The following ZFYVE28 variants were observed in gnomAD, a reference collection of about 807,000 sequenced individuals.
ZFYVE28 encodes lateral signaling target protein 2 homolog.
Under a neutral mutation model 82.1 loss-of-function variants are expected in ZFYVE28, and 40 were observed. The ratio of observed to expected loss-of-function variants is 0.49; its 90% CI spans 0.38 to 0.63. The LOEUF is 0.63. Among genes scored for constraint, ZFYVE28 ranks in the 30% least tolerant of loss-of-function variants. The pLI is 0.00. For synonymous variants in ZFYVE28, 612 were observed against 546.1 expected (o/e 1.12, Z -1.68); for missense variants, 1,321 against 1,242.1 (o/e 1.06, Z -0.96).
intron 1 of ZFYVE28, among the ~76,000 whole-genome samples, chr4:2,382,470 C>G (rs1046576867): frequency 6.6e-6 from 1 of 152,242 alleles, no homozygotes; most frequent in East Asian, 1.9e-4. Flanking sequence ...GATGTGAGAC[C>G]TGGAGTCAAA....
chr4:2,293,476 G>A (rs1577935352), intron 8 of ZFYVE28, among the ~76,000 whole-genome samples: 2 of 152,168 alleles, frequency 1.3e-5, no homozygotes, highest in South Asian at 2.1e-4. Context: ...AAGATCAGCC[G>A]GGTATGGTGG....
Position 2,341,143 on chromosome 4 carries a change from C to T in ZFYVE28, c.318+335G>A, listed in dbSNP as rs632158. Among the ~76,000 whole-genome samples the T allele has an allele frequency of 6.6e-6, 1 of 151,962 alleles. No homozygotes were observed. The highest frequency in any genetic ancestry group is 2.1e-4 in the South Asian group (1 of 4,822). On this transcript the variant is annotated intron_variant, in intron 3 of 12. Transcript: ENST00000290974. This position sits in a 1 kb window ranked among gnomAD's most constrained non-coding sequence, Gnocchi z 4.5. The stretch of plus-strand genomic sequence containing the variant: ...CCTGCTGCTGCCCATGCTGCAGGGC[C>T]GGAGGGGAACACTTGTTCCTGATGT...
intron 1 of ZFYVE28, among the ~76,000 whole-genome samples, chr4:2,367,512 TA>T (rs1727015430): frequency 6.6e-6 from 1 of 152,236 alleles, no homozygotes; most frequent in South Asian, 2.1e-4. Context: ...AATGGAAACT[TA>T]AGCTGCTTAT....
At chr4:2,344,536 A>G (rs950445754) in intron 2 of ZFYVE28, among the ~76,000 whole-genome samples, 4 of 152,212 alleles carry the variant, frequency 2.6e-5, no homozygotes, top group Non-Finnish European at 5.9e-5. Context: ...AACCAAAAAT[A>G]TTTACAGTAA....
intron 2 of ZFYVE28, among the ~76,000 whole-genome samples, chr4:2,353,270 G>C (rs781429994): frequency 6.6e-6 from 1 of 152,206 alleles, no homozygotes; most frequent in Admixed American, 6.5e-5. Flanking sequence ...GGACCCTCAG[G>C]ACCACGGTGA....
At chr4:2,299,291 A>AG (rs1255682555) in intron 8 of ZFYVE28, among the ~76,000 whole-genome samples, 1 of 152,116 alleles carries the variant, frequency 6.6e-6, no homozygotes, top group Admixed American at 6.5e-5. Context: ...GGAACAGCGA[A>AG]GGGTACTCCG....
In ZFYVE28 at chr4:2,408,252, C is replaced by T. The variant is rs1732132214; in HGVS notation, c.39+10033G>A. Among the ~76,000 whole-genome samples the T allele has an allele frequency of 6.6e-6, 1 of 152,182 alleles. No homozygotes were observed. The highest frequency in any genetic ancestry group is 6.5e-5 in the Admixed American group (1 of 15,286). ...GCCCTGGGCCTCCCTGTGAGTGCTC[C>T]CAAGAACATCCTACCAAGCCAGCAT... On this transcript the variant is annotated intron_variant, in intron 1 of 12. Coordinates refer to ENST00000290974, the MANE Select transcript of ZFYVE28 (RefSeq NM_020972.3). The surrounding 1 kb of genome is among the most constrained non-coding windows in gnomAD (Gnocchi z 4.3).
In ZFYVE28 at chr4:2,409,371, A is replaced by G. The variant is rs548117647; in HGVS notation, c.39+8914T>C. On this transcript the variant is annotated intron_variant, in intron 1 of 12. Coordinates refer to ENST00000290974, the MANE Select transcript of ZFYVE28 (RefSeq NM_020972.3). This position sits in a 1 kb window ranked among gnomAD's most constrained non-coding sequence, Gnocchi z 4.4. ...TCTCTCCCACAGCAGGCCTGGAAGG[A>G]CCCCGCAAACAGCAGTGCTGACCCC... Among the ~76,000 whole-genome samples the G allele has an allele frequency of 2.4e-3, 365 of 151,142 alleles. 1 individual carries two copies. Among genetic ancestry groups the G allele is most frequent in the Non-Finnish European group, 4.0e-3 (274 of 67,768 alleles).
chr4:2,371,288 T>C (rs1447113559), intron 1 of ZFYVE28, among the ~76,000 whole-genome samples: 2 of 152,220 alleles, frequency 1.3e-5, no homozygotes, highest in African/African-American at 4.8e-5. Context: ...TCTTCTTTTG[T>C]ACTGTGGTTA....
At chr4:2,412,956 C>T (rs934834659) in intron 1 of ZFYVE28, among the ~76,000 whole-genome samples, 2 of 151,702 alleles carry the variant, frequency 1.3e-5, no homozygotes, top group Non-Finnish European at 2.9e-5. Context: ...TTACGTGAAG[C>T]TCTCGACTCT....
chr4:2,304,000 G>C (rs1179550513), intron 8 of ZFYVE28, among the ~76,000 whole-genome samples: 1 of 152,244 alleles, frequency 6.6e-6, no homozygotes, highest in African/African-American at 2.4e-5. Flanking sequence ...CTGAGGGCTT[G>C]GCACTGCGCC....
chr4:2,291,784 T>G (rs1207999704), intron 8 of ZFYVE28, among the ~76,000 whole-genome samples: 13 of 152,130 alleles, frequency 8.5e-5, no homozygotes, highest in Admixed American at 8.5e-4. Flanking sequence ...GCCTGGCTGG[T>G]GGAGGACATG....
At chr4:2,368,661 G>A (rs1031293716) in intron 1 of ZFYVE28, among the ~76,000 whole-genome samples, 3 of 152,116 alleles carry the variant, frequency 2.0e-5, no homozygotes, top group African/African-American at 4.8e-5. Flanking sequence ...AGCATAAATC[G>A]GTGCTTCCTG....
At chr4:2,347,216 A>G (rs781214456) in intron 2 of ZFYVE28, among the ~76,000 whole-genome samples, 1 of 152,244 alleles carries the variant, frequency 6.6e-6, no homozygotes, top group Non-Finnish European at 1.5e-5. Context: ...AAAGGGTTCA[A>G]TTTATTAGGA....
At position 2,339,675 on chromosome 4, in the gene ZFYVE28, CAGGGAGGGG is replaced by C. The variant is rs1365171097; in HGVS notation, c.319-29_319-21del. On this transcript the variant is annotated intron_variant, in intron 3 of 12. Coordinates refer to ENST00000290974, the MANE Select transcript of ZFYVE28 (RefSeq NM_020972.3). This position sits in a 1 kb window ranked among gnomAD's most constrained non-coding sequence, Gnocchi z 5.0. ...CAGGCACTGCGGGAGGGGACACACT[CAGGGAGGGG>C]CCCGGGTGAGGGCCAGGCTCTCAGG... is the stretch of plus-strand genomic sequence containing the variant. 6.4e-7 allele frequency: 1 copy of C among 1,574,076 alleles called. No homozygotes were observed. Among genetic ancestry groups the C allele is most frequent in the Non-Finnish European group, 8.6e-7 (1 of 1,161,064 alleles).
chr4:2,395,434 C>G (rs1273240931), intron 1 of ZFYVE28, among the ~76,000 whole-genome samples: 1 of 152,244 alleles, frequency 6.6e-6, no homozygotes, highest in Non-Finnish European at 1.5e-5. Flanking sequence ...TTCATAAGCC[C>G]CAGGGGGATC....
At chr4:2,319,481 G>C (rs773885420) in intron 7 of ZFYVE28, among the ~76,000 whole-genome samples, 64 of 152,286 alleles carry the variant, frequency 4.2e-4, no homozygotes, top group Middle Eastern at 3.4e-3. Flanking sequence ...CAGAGTTCTA[G>C]GCTTCTGGGT....
At position 2,305,142 on chromosome 4, in the gene ZFYVE28, C is replaced by A; in HGVS notation, c.1198G>T (p.Val400Leu). ...LRSGSDEEER[V>L]FFMDDVEGTA... is the part of the protein sequence containing the mutation. The stretch of plus-strand genomic sequence containing the variant: ...CCCTCCACGTCATCCATGAAGAACA[C>A]GCGCTCCTCCTCGTCACTGCCTGAC... The change falls in exon 8 of 13, where the codon GTG becomes TTG. Residue 400 changes from valine to leucine, a missense_variant. Physicochemically the swap from Val to Leu is conservative, Grantham distance 32 (BLOSUM62 1). Transcript: ENST00000290974. 1 of 1,588,896 alleles carries A rather than the reference C, an allele frequency of 6.3e-7. No individual in the cohort carries two copies. Among genetic ancestry groups the A allele is most frequent in the Non-Finnish European group, 8.6e-7 (1 of 1,165,992 alleles).
chr4:2,350,120 T>A (rs1433356648), intron 2 of ZFYVE28, among the ~76,000 whole-genome samples: 1 of 151,634 alleles, frequency 6.6e-6, no homozygotes, highest in East Asian at 1.9e-4. Flanking sequence ...TGGCAAAAAA[T>A]TTAACAGAAT....
Sources: gnomAD v4.1 joint callset for allele counts (sites outside exome capture counted in the v4.1 genomes callset) on GRCh38, gnomAD v4.1.1 for gene constraint, Gnocchi (gnomAD v3.1) non-coding constraint, MANE v1.5 for transcripts, NCBI Gene and HGNC (gene_info 2026-07-23, HGNC 2026-07-21) for gene names.